CFAP46: variants seen among roughly 807,000 people sequenced by gnomAD.
CFAP46 encodes cilia and flagella associated protein 46, also known as cilia- and flagella-associated protein 46.
CFAP46 carries 245 observed loss-of-function variants against 325.7 expected under a neutral mutation model. That is an observed-to-expected ratio of 0.75 (90% CI 0.68 to 0.84). CFAP46 has a LOEUF of 0.84. Among genes scored for constraint, CFAP46 ranks in the 40% least tolerant of loss-of-function variants. The probability of loss-of-function intolerance (pLI) is 0.00; values close to 1 mark genes in which losing one functional copy is unlikely to be tolerated. For synonymous variants in CFAP46, 1,523 were observed against 1,495.9 expected, an observed-to-expected ratio of 1.02 and a Z score of -0.42; for missense variants, 3,346 against 3,543.0, an observed-to-expected ratio of 0.94 and a Z score of 1.41.
At chr10:132,916,185 T>C (rs1849634466) in intron 17 of CFAP46, among the ~76,000 whole-genome samples, 1 of 152,210 alleles carries the variant, frequency 6.6e-6, no homozygotes, top group Non-Finnish European at 1.5e-5. Flanking sequence ...TCCTTCTATT[T>C]TCTGCCACGA....
intron 19 of CFAP46, among the ~76,000 whole-genome samples, chr10:132,910,678 C>A (rs1849528544): frequency 6.6e-6 from 1 of 152,222 alleles, no homozygotes; most frequent in South Asian, 2.1e-4. Context: ...CGGGAGTGAC[C>A]TCTTGCTAAC....
rs535558638 is a variant in CFAP46, at chr10:132,850,338, G to A, written c.5858C>T (p.Ala1953Val). The change falls in exon 41 of 58, where the codon GCC becomes GTC. Residue 1953 changes from alanine (A) to valine (V), a missense_variant. Physicochemically the swap from Ala to Val is moderately conservative, Grantham distance 64 (BLOSUM62 0). Transcript: ENST00000368586. The part of the protein sequence containing the change: ...PLSVGCVEIR[A>V]RLLGLAGRAL... ...CCTCCCGGCCAGGCCCAGGAGCCGGGCGCGGATCTCCACACAGCCCACGCT... is the reference window on the plus strand; with the variant it reads ...CCTCCCGGCCAGGCCCAGGAGCCGGACGCGGATCTCCACACAGCCCACGCT... 42 of 1,555,008 alleles carry A rather than the reference G, an allele frequency of 2.7e-5. No individual in the cohort carries two copies. In the East Asian group the frequency reaches 9.2e-4, roughly 34 times the overall value.
rs563341812 is a variant in CFAP46, at chr10:132,825,852, C to G, written c.7117+7506G>C. Among the ~76,000 whole-genome samples the G allele has an allele frequency of 7.4e-4, 112 of 152,206 alleles. No individual in the cohort carries two copies. The South Asian group carries it at 0.012, about 16-fold the overall frequency. ...CACAAACAGCTGGTTGGTGAAAAGC[C>G]GAAAGGGCTGGGACTCCCGGGCACA... On this transcript the variant is annotated intron_variant, in intron 50 of 57. Transcript: ENST00000368586.
intron 44 of CFAP46, among the ~76,000 whole-genome samples, chr10:132,845,709 C>T (rs1848422277): frequency 2.0e-5 from 3 of 152,240 alleles, no homozygotes; most frequent in Admixed American, 1.3e-4. Flanking sequence ...TTTCCTTAAA[C>T]GGAGGCAGGG....
intron 25 of CFAP46, 89 bp downstream of exon 25, chr10:132,892,244 G>T: frequency 8.0e-7 from 1 of 1,257,536 alleles, no homozygotes; most frequent in Non-Finnish European, 1.1e-6. Context: ...CAGGGCATGG[G>T]AATTTAAAAG....
At position 132,848,862 on chromosome 10, in the gene CFAP46, A is replaced by G. The variant is rs552104530; in HGVS notation, c.5952+1382T>C. 3.9e-5 allele frequency among the ~76,000 whole-genome samples: 6 copies of G among 152,256 alleles called. No homozygotes were observed. In the East Asian group the frequency reaches 1.2e-3, roughly 29 times the overall value. On this transcript the variant is annotated intron_variant, in intron 41 of 57. Transcript: ENST00000368586. ...ACGATGGACAACGAGCTCGGATAAC[A>G]CCTTAGACAACGTGACCAGCAACCC...
rs142644767 is a variant in CFAP46 at position 132,808,608 on chromosome 10, G to A, written c.7961C>T (p.Ala2654Val). The A allele has an allele frequency of 4.8e-4, 766 of 1,612,020 alleles. 3 individuals carry two copies. Among genetic ancestry groups the A allele is most frequent in the Middle Eastern group, 1.8e-3 (11 of 6,042 alleles). Reference protein sequence around the residue: ...GAASARDPPPATSRKAAAWTS... With the variant: ...GAASARDPPPVTSRKAAAWTS... ...CCAGGCGGCTGCCTTGCGGGAAGTC[G>A]CTGGGGGAGGGTCCCTGGCTGAGGC... Residue 2654 changes from alanine to valine, a missense_variant, in exon 58 of 58, where the codon GCG becomes GTG. By Grantham distance (64) the Ala-to-Val change is moderately conservative. Coordinates refer to ENST00000368586, the MANE Select transcript of CFAP46 (RefSeq NM_001200049.3). This position sits in a 1 kb window ranked among gnomAD's most constrained non-coding sequence, Gnocchi z 6.8.
At chr10:132,837,457 G>T (rs1200256843) in intron 44 of CFAP46, among the ~76,000 whole-genome samples, 1 of 143,600 alleles carries the variant, frequency 7.0e-6, no homozygotes, top group African/African-American at 2.8e-5. Context: ...ACGTGCTCAC[G>T]CGGACATGCA....
intron 11 of CFAP46, among the ~76,000 whole-genome samples, chr10:132,923,439 G>A (rs562905179): frequency 6.9e-6 from 1 of 144,906 alleles, no homozygotes; most frequent in Non-Finnish European, 1.5e-5. Context: ...CCATGTGGGG[G>A]TGCCCTGGAC....
intron 41 of CFAP46, among the ~76,000 whole-genome samples, chr10:132,849,813 C>T (rs1049344060): frequency 6.6e-6 from 1 of 152,182 alleles, no homozygotes; most frequent in South Asian, 2.1e-4. Flanking sequence ...ATGGGGGCCA[C>T]GGCGCCCGGT....
chr10:132,902,201 C>G (rs1849400391), intron 22 of CFAP46, among the ~76,000 whole-genome samples: 1 of 151,616 alleles, frequency 6.6e-6, no homozygotes, highest in African/African-American at 2.4e-5. Context: ...TGGCCTCCCC[C>G]TGCTGCCTCT....
chr10:132,816,159 G>A (rs933303790), intron 50 of CFAP46, among the ~76,000 whole-genome samples: 14 of 151,858 alleles, frequency 9.2e-5, no homozygotes, highest in Non-Finnish European at 1.6e-4. Context: ...AAAGTTGCTC[G>A]GGGACTTCCG....
chr10:132,941,161 CCT>C (rs1250958672), intron 3 of CFAP46, 101 bp from the exon 4 acceptor site: 120 of 1,149,628 alleles, frequency 1.0e-4, no homozygotes, highest in South Asian at 4.1e-4. Context: ...CCTGGTACCC[CCT>C]GTGTGTCACC....
Position 132,832,749 on chromosome 10 carries a change from C to T in CFAP46, c.7117+609G>A, listed in dbSNP as rs766042562. 7 of 471,338 alleles carry T rather than the reference C, an allele frequency of 1.5e-5. No individual in the cohort carries two copies. Among genetic ancestry groups the T allele is most frequent in the South Asian group, 9.3e-5 (6 of 64,562 alleles). 29.2% of individuals were successfully genotyped at this position (471,338 alleles called of 1,614,324 possible). ...CTCAGTCACAGAATGTCATCACCCC[C>T]GAATCCCAGCCGAGGTCAGGGCCTT... On this transcript the variant is annotated intron_variant, in intron 50 of 57. Transcript: ENST00000368586. This position sits in a 1 kb window ranked among gnomAD's most constrained non-coding sequence, Gnocchi z 4.1.
At position 132,836,200 on chromosome 10, in the gene CFAP46, A is replaced by G. The variant is rs375450652; in HGVS notation, c.6555T>C (p.Ala2185=). 6.2e-6 allele frequency: 10 copies of G among 1,610,026 alleles called. No individual in the cohort carries two copies. The highest frequency in any genetic ancestry group is 5.9e-6 in the Non-Finnish European group (7 of 1,179,312). ...TAATGAACTTGGGTTTCTCGTAGGCAGCGCCGTACAGACGGGACCTGCTGG... is the reference window on the plus strand; with the variant it reads ...TAATGAACTTGGGTTTCTCGTAGGCGGCGCCGTACAGACGGGACCTGCTGG... ...LSGDRSRLYG[A]AYEKPKFITA... Residue 2185 remains alanine (A), a synonymous_variant, in exon 46 of 58, where the codon GCT becomes GCC. Coordinates refer to ENST00000368586, the MANE Select transcript of CFAP46 (RefSeq NM_001200049.3).
At chr10:132,941,408 A>C (rs1850098812) in intron 3 of CFAP46, among the ~76,000 whole-genome samples, 183 bp downstream of exon 3, 1 of 152,258 alleles carries the variant, frequency 6.6e-6, no homozygotes, top group Non-Finnish European at 1.5e-5. Flanking sequence ...CCTGTGTGTC[A>C]GATATCACCA....
intron 26 of CFAP46, 38 bp from the exon 27 acceptor site, chr10:132,885,324 G>C: frequency 6.6e-7 from 1 of 1,513,890 alleles, no homozygotes; most frequent in Non-Finnish European, 8.9e-7. Context: ...CGTCAGGATC[G>C]GGTGGCAGAA....
chr10:132,835,461 T>C (rs965402367), intron 46 of CFAP46, 27 bp from the exon 47 acceptor site: 7 of 1,612,708 alleles, frequency 4.3e-6, no homozygotes, highest in Middle Eastern at 1.6e-4. Flanking sequence ...ACACCCTCTG[T>C]CGCTGCCCAG....
chr10:132,849,030 A>G (rs148138172), intron 41 of CFAP46, among the ~76,000 whole-genome samples: 109 of 152,354 alleles, frequency 7.2e-4, no homozygotes, highest in African/African-American at 2.5e-3. Flanking sequence ...AACATAAATC[A>G]TATCTAAGGA....
Sources: gnomAD v4.1 joint callset for allele counts (sites outside exome capture counted in the v4.1 genomes callset) on GRCh38, gnomAD v4.1.1 for gene constraint, Gnocchi (gnomAD v3.1) non-coding constraint, MANE v1.5 for transcripts, NCBI Gene and HGNC (gene_info 2026-07-23, HGNC 2026-07-21) for gene names.